AKT2: variants seen among roughly 807,000 people sequenced by gnomAD.
AKT2 encodes the protein AKT serine/threonine kinase 2.
A neutral mutation model predicts 58.6 loss-of-function variants in AKT2; 16 were observed. The ratio of observed to expected loss-of-function variants is 0.27; its 90% CI spans 0.18 to 0.41. AKT2 has a LOEUF of 0.41. Among genes scored for constraint, AKT2 ranks in the 10% least tolerant of loss-of-function variants. AKT2 has a pLI of 1.00. For synonymous variants in AKT2, 253 were observed against 254.0 expected, an observed-to-expected ratio of 1.00 and a Z score of 0.04; for missense variants, 438 against 661.0, an observed-to-expected ratio of 0.66 and a Z score of 3.70.
At chr19:40,275,764 T>TGGGGGGGGGGGGGGGGGGG (rs1004974778) in intron 1 of AKT2, among the ~76,000 whole-genome samples, 2 of 4,742 alleles carry the variant, frequency 4.2e-4, no homozygotes, top group African/African-American at 1.4e-3. Context: ...TTTGGGAGGC[T>TGGGGGGGGGGGGGGGGGGG]GGGGGGGGGG....
Position 40,241,913 on chromosome 19 carries a change from C to T in AKT2, c.573+25G>A, listed in dbSNP as rs3730259. The T allele has an allele frequency of 1.9e-5, 31 of 1,612,964 alleles. No homozygotes were observed. In the Middle Eastern group the frequency reaches 9.9e-4, roughly 52 times the overall value. On this transcript the variant is annotated intron_variant, in intron 6 of 13. Transcript: ENST00000392038. ...AGACCGCAGCCCCCACAGAGGCTCG[C>T]GAGCGCAATTCCCGGGGCACGCACC...
chr19:40,283,052 T>C (rs2077452208), intron 1 of AKT2: 1 of 154,858 alleles, frequency 6.5e-6, no homozygotes, highest in African/African-American at 2.4e-5. Flanking sequence ...TAACCACAGG[T>C]ATGTTTTGAG....
chr19:40,238,526 G>A lies in AKT2; in HGVS notation c.708+379C>T, dbSNP rs1016156737. Among the ~76,000 whole-genome samples, 11 of 152,196 alleles carry A rather than the reference G, an allele frequency of 7.2e-5. No homozygotes were observed. The highest frequency in any genetic ancestry group is 1.6e-4 in the Non-Finnish European group (11 of 68,032). ...GCGACTCTGTAAGGGGAAGCTGAGC[G>A]GCTGCGGGAATTCACTTCGAGAGGA... On this transcript the variant is annotated intron_variant, in intron 8 of 13. Coordinates refer to ENST00000392038, the MANE Select transcript of AKT2 (RefSeq NM_001626.6). The surrounding 1 kb of genome is among the most constrained non-coding windows in gnomAD (Gnocchi z 5.1).
Position 40,234,828 on chromosome 19 carries a change from G to T in AKT2, c.1366+217C>A. 3.1e-6 allele frequency: 2 copies of T among 646,626 alleles called. No individual in the cohort carries two copies. The highest frequency in any genetic ancestry group is 1.7e-5 in the South Asian group (1 of 57,550). The allele number at this position is 646,626 out of a possible 1,614,324, so 40.1% of individuals were successfully genotyped here. A position where few individuals can be genotyped will look rare whatever the true frequency, so the allele number is the denominator to read the frequency against. ...GGCTGCCTCCTGCCCTGAGCCCCCC[G>T]ACTGAGCTCCAGAACGTGCTGCAGT... is the stretch of plus-strand genomic sequence containing the variant. On this transcript the variant is annotated intron_variant, in intron 13 of 13. Transcript: ENST00000392038. The surrounding 1 kb of genome is among the most constrained non-coding windows in gnomAD (Gnocchi z 4.7).
At chr19:40,278,918 C>T (rs1043962936) in intron 1 of AKT2, among the ~76,000 whole-genome samples, 3 of 151,770 alleles carry the variant, frequency 2.0e-5, no homozygotes, top group Non-Finnish European at 2.9e-5. Flanking sequence ...TTCTCACCCA[C>T]GTCAGCTACC....
At chr19:40,284,985 G>A (rs1357618640) in intron 1 of AKT2, 196 bp downstream of exon 1, 3 of 360,242 alleles carry the variant, frequency 8.3e-6, no homozygotes, top group Non-Finnish European at 9.9e-6. Context: ...GGTATGGCCC[G>A]CCGCCACCGC....
intron 1 of AKT2, chr19:40,283,144 C>T (rs2077453637): frequency 6.6e-6 from 1 of 152,592 alleles, no homozygotes; most frequent in South Asian, 2.1e-4. Flanking sequence ...CATCCACTAG[C>T]TCTGGAAATG....
intron 1 of AKT2, chr19:40,274,689 G>A (rs529410505): frequency 5.0e-4 from 128 of 255,796 alleles, no homozygotes; most frequent in African/African-American, 2.5e-3. Context: ...GAGAGAGCCG[G>A]GGGAGACCTG....
intron 2 of AKT2, among the ~76,000 whole-genome samples, chr19:40,258,039 G>A (rs1490543958): frequency 6.6e-6 from 1 of 152,008 alleles, no homozygotes; most frequent in Non-Finnish European, 1.5e-5. Context: ...CTGAGGTCGG[G>A]AGTTGGAGAC....
rs201884933 is a variant in AKT2, at chr19:40,242,077, G to A, written c.442-8C>T. 1,231 of 1,614,070 alleles carry A rather than the reference G, an allele frequency of 7.6e-4. 3 individuals are homozygous for A. Among genetic ancestry groups the A allele is most frequent in the Non-Finnish European group, 9.5e-4 (1,125 of 1,180,046 alleles). On this transcript the variant is annotated splice_region_variant and splice_polypyrimidine_tract_variant and intron_variant, in intron 5 of 13. Transcript: ENST00000392038. This position sits in a 1 kb window ranked among gnomAD's most constrained non-coding sequence, Gnocchi z 4.3. Reference sequence around the variant, plus strand: ...GTCGAAGTCATTCATGGTCTGCCAGGGACAGGGAGAGTGGGGGCAGTCAGC... The same window carrying A: ...GTCGAAGTCATTCATGGTCTGCCAGAGACAGGGAGAGTGGGGGCAGTCAGC...
chr19:40,257,575 C>G (rs890055193), intron 2 of AKT2, among the ~76,000 whole-genome samples: 15 of 121,828 alleles, frequency 1.2e-4, no homozygotes, highest in African/African-American at 5.3e-4. Context: ...TCCAAGCACC[C>G]TATGCACACA....
chr19:40,278,311 C>T (rs560529957), intron 1 of AKT2, among the ~76,000 whole-genome samples: 132 of 152,290 alleles, frequency 8.7e-4, no homozygotes, highest in Non-Finnish European at 8.5e-4. Context: ...CCCTGTACAA[C>T]GGGGACGATC....
At position 40,237,633 on chromosome 19, in the gene AKT2, AAAAT is replaced by A. The variant is rs1158444176; in HGVS notation, c.831+332_831+335del. On this transcript the variant is annotated intron_variant, in intron 9 of 13. Coordinates refer to ENST00000392038, the MANE Select transcript of AKT2 (RefSeq NM_001626.6). The surrounding 1 kb of genome is among the most constrained non-coding windows in gnomAD (Gnocchi z 4.5). ...GCACTCAACAGAGTAAGACTCCTCA[AAAAT>A]AAATAAATAAATAAATACAAATAAA... The A allele has an allele frequency of 3.0e-4, 91 of 306,600 alleles. No homozygotes were observed. The highest frequency in any genetic ancestry group is 3.6e-4 in the South Asian group (12 of 33,132). The allele number at this position is 306,600 out of a possible 1,614,324, so 19.0% of individuals were successfully genotyped here. A position where few individuals can be genotyped will look rare whatever the true frequency, so the allele number is the denominator to read the frequency against.
In AKT2 at chr19:40,235,988, G is replaced by A. The variant is rs117693413; in HGVS notation, c.1077C>T (p.Phe359=). 1.1e-5 allele frequency: 18 copies of A among 1,614,112 alleles called. No individual in the cohort carries two copies. The highest frequency in any genetic ancestry group is 6.7e-5 in the Admixed American group (4 of 60,030). Residue 359 remains phenylalanine, a synonymous_variant, in exon 11 of 14, where the codon TTC becomes TTT. Coordinates refer to ENST00000392038, the MANE Select transcript of AKT2 (RefSeq NM_001626.6). The surrounding 1 kb of genome is among the most constrained non-coding windows in gnomAD (Gnocchi z 6.3). ...PFYNQDHERL[F]ELILMEEIRF... is the part of the protein sequence containing the mutation. ...GGATCTCTTCCATGAGGATGAGCTCGAAGAGGCGCTCGTGGTCCTGGTTGT... is the reference window on the plus strand; with the variant it reads ...GGATCTCTTCCATGAGGATGAGCTCAAAGAGGCGCTCGTGGTCCTGGTTGT...
intron 3 of AKT2, among the ~76,000 whole-genome samples, chr19:40,255,582 G>A (rs1975487877): frequency 6.6e-6 from 1 of 152,208 alleles, no homozygotes; most frequent in Non-Finnish European, 1.5e-5. Context: ...CTTCCCAGAG[G>A]AAGCAGCTTC....
At position 40,231,045 on chromosome 19, in the gene AKT2, G is replaced by A. The variant is rs1973675500; in HGVS notation, c.*2827C>T. The A allele has an allele frequency of 4.6e-6, 1 of 215,358 alleles. No individual in the cohort carries two copies. 13.3% of individuals were successfully genotyped at this position (215,358 alleles called of 1,614,324 possible). ...GTCACTGTTCTTTATATACAAAAAA[G>A]AATGTGTGAAATTTTTAAAATGTAC... On this transcript the variant is annotated 3_prime_UTR_variant, in exon 14 of 14. Transcript: ENST00000392038.
Position 40,231,747 on chromosome 19 carries a change from T to G in AKT2, c.*2125A>C, listed in dbSNP as rs1317374519. 4.3e-6 allele frequency: 1 copy of G among 233,134 alleles called. No individual in the cohort carries two copies. Among genetic ancestry groups the G allele is most frequent in the Non-Finnish European group, 8.5e-6 (1 of 118,134 alleles). 14.4% of individuals were successfully genotyped at this position (233,134 alleles called of 1,614,324 possible). A position where few individuals can be genotyped will look rare whatever the true frequency, so the allele number is the denominator to read the frequency against. On this transcript the variant is annotated 3_prime_UTR_variant, in exon 14 of 14. Transcript: ENST00000392038. ...TGCAGGGGCCCAGACACATCCAGGCTAAAGGGCAGTGACTAGGGGAGGGCT... is the reference window on the plus strand; with the variant it reads ...TGCAGGGGCCCAGACACATCCAGGCGAAAGGGCAGTGACTAGGGGAGGGCT...
intron 1 of AKT2, among the ~76,000 whole-genome samples, chr19:40,268,159 C>T (rs1396451279): frequency 2.0e-5 from 3 of 152,134 alleles, no homozygotes; most frequent in South Asian, 4.1e-4. Context: ...AAATACTTCC[C>T]AAATGGCTGG....
At chr19:40,248,187 T>C (rs1974879489) in intron 4 of AKT2, among the ~76,000 whole-genome samples, 1 of 152,168 alleles carries the variant, frequency 6.6e-6, no homozygotes, top group African/African-American at 2.4e-5. Context: ...ATGCCCTTCC[T>C]GTGCCTCGGT....
Sources: allele counts gnomAD v4.1 joint callset (sites outside exome capture counted in the v4.1 genomes callset), GRCh38; gene constraint gnomAD v4.1.1; non-coding constraint Gnocchi (gnomAD v3.1); transcripts MANE v1.5; gene names NCBI Gene and HGNC (gene_info 2026-07-23, HGNC 2026-07-21).